FBXO25: variants seen among roughly 807,000 people sequenced by gnomAD.
FBXO25 encodes the protein F-box protein 25, also known as F-box only protein 25.
Under a neutral mutation model 51.9 loss-of-function variants are expected in FBXO25, and 45 were observed. That is an observed-to-expected ratio of 0.87 (90% CI 0.68 to 1.11). The LOEUF (loss-of-function observed/expected upper bound fraction) is 1.11. Among genes scored for constraint, FBXO25 ranks in the 50% most tolerant of loss-of-function variants. FBXO25 has a pLI of 0.00. For synonymous variants in FBXO25, 199 were observed against 151.0 expected (o/e 1.32, Z -2.33); for missense variants, 507 against 428.5 (o/e 1.18, Z -1.62).
At chr8:468,676 G>A (rs773954860) in intron 9 of FBXO25, 39 bp from the exon 10 acceptor site, 4 of 1,565,242 alleles carry the variant, frequency 2.6e-6, no homozygotes, top group South Asian at 1.1e-5. Context: ...TGTGGCTGGT[G>A]GTGGGGCCCC....
At chr8:456,128 A>G (rs1337113959) in intron 7 of FBXO25, among the ~76,000 whole-genome samples, 1 of 152,252 alleles carries the variant, frequency 6.6e-6, no homozygotes, top group East Asian at 1.9e-4. Flanking sequence ...AATTAGAATG[A>G]AGCACCTGGA....
chr8:474,902 A>C lies in FBXO25; in HGVS notation c.*6098A>C. ...AAGAAATCACTGCCTCACCCTTTTC[A>C]GATATATCATTTTAAAATACTTTGT... is the stretch of plus-strand genomic sequence containing the variant. On this transcript the variant is annotated 3_prime_UTR_variant, in exon 10 of 10. Coordinates refer to ENST00000350302, the MANE Select transcript of FBXO25 (RefSeq NM_183420.2). 1 of 435,122 alleles carries C rather than the reference A, an allele frequency of 2.3e-6. No homozygotes were observed. The highest frequency in any genetic ancestry group is 4.5e-6 in the Non-Finnish European group (1 of 220,596). The allele number at this position is 435,122 out of a possible 1,614,324, so 27.0% of individuals were successfully genotyped here.
At chr8:426,829 T>TCGCCCTACCTGGCCTTGGTGCTCTTGC (rs1797516705) in intron 2 of FBXO25, among the ~76,000 whole-genome samples, 5 of 148,594 alleles carry the variant, frequency 3.4e-5, no homozygotes, top group East Asian at 2.0e-4. Context: ...GGTGCTCTTG[T>TCGCCCTACCTGGCCTTGGTGCTCTTGC]CGCCCTCTGC....
rs1157806059 is a variant in FBXO25 at position 468,849 on chromosome 8, C to T, written c.*45C>T. 1 of 1,556,490 alleles carries T rather than the reference C, an allele frequency of 6.4e-7. No individual in the cohort carries two copies. Among genetic ancestry groups the T allele is most frequent in the East Asian group, 2.3e-5 (1 of 44,294 alleles). On this transcript the variant is annotated 3_prime_UTR_variant, in exon 10 of 10. Coordinates refer to ENST00000350302, the MANE Select transcript of FBXO25 (RefSeq NM_183420.2). ...TATTGGAGATTGTGAATCCTGCTGT[C>T]TGTGCAGGGCTCATAGTGAGTGTTC...
intron 7 of FBXO25, among the ~76,000 whole-genome samples, chr8:458,109 C>T (rs1324736156): frequency 3.9e-5 from 6 of 152,202 alleles, no homozygotes; most frequent in East Asian, 3.9e-4. Flanking sequence ...GCACACCTGT[C>T]GCATGGGGAG....
rs538790500 is a variant in FBXO25 at position 430,736 on chromosome 8, G to A, written c.135-605G>A. Among the ~76,000 whole-genome samples the A allele has an allele frequency of 3.3e-5, 5 of 152,260 alleles. No homozygotes were observed. In the South Asian group the frequency reaches 1.0e-3, roughly 32 times the overall value. ...AAGTAAAAGGTGTTCCCATTGTTTAGTTATTGCCTTATGATTTGATTTTCT... is the reference window on the plus strand; with the variant it reads ...AAGTAAAAGGTGTTCCCATTGTTTAATTATTGCCTTATGATTTGATTTTCT... On this transcript the variant is annotated intron_variant, in intron 2 of 9. Coordinates refer to ENST00000350302, the MANE Select transcript of FBXO25 (RefSeq NM_183420.2).
intron 2 of FBXO25, among the ~76,000 whole-genome samples, chr8:425,198 C>A (rs997552516): frequency 1.2e-4 from 18 of 151,662 alleles, no homozygotes; most frequent in Admixed American, 1.1e-3. Flanking sequence ...ACTTCCCAAA[C>A]TCTTATGGTA....
At chr8:465,190 C>T (rs1488449094) in intron 9 of FBXO25, among the ~76,000 whole-genome samples, 6 of 147,998 alleles carry the variant, frequency 4.1e-5, no homozygotes, top group Non-Finnish European at 7.6e-5. Context: ...CTGGAGGGAA[C>T]AGGGCCCCCC....
In FBXO25 at chr8:475,044, C is replaced by T. The variant is rs1016362984; in HGVS notation, c.*6240C>T. 2.5e-6 allele frequency: 1 copy of T among 406,312 alleles called. No individual in the cohort carries two copies. The highest frequency in any genetic ancestry group is 2.1e-5 in the African/African-American group (1 of 47,800). The allele number at this position is 406,312 out of a possible 1,614,324, so 25.2% of individuals were successfully genotyped here. On this transcript the variant is annotated 3_prime_UTR_variant, in exon 10 of 10. Coordinates refer to ENST00000350302, the MANE Select transcript of FBXO25 (RefSeq NM_183420.2). ...CATATCTAAGAAATCACTGCCAAAT[C>T]CAATGTTGTTAAAAGTTTCCCTTAT...
rs937227699 is a variant in FBXO25, at chr8:472,880, A to G, written c.*4076A>G. 3.3e-5 allele frequency: 5 copies of G among 152,234 alleles called. No homozygotes were observed. Among genetic ancestry groups the G allele is most frequent in the Admixed American group, 3.3e-4 (5 of 15,284 alleles). The allele number at this position is 152,234 out of a possible 1,614,324, so 9.4% of individuals were successfully genotyped here. ...AGTCAGAAGCAAGCCTGCCTTATGA[A>G]ACTCGACTTTTTAATCTCCCTCTCT... On this transcript the variant is annotated 3_prime_UTR_variant, in exon 10 of 10. Coordinates refer to ENST00000350302, the MANE Select transcript of FBXO25 (RefSeq NM_183420.2).
chr8:472,764 C>A lies in FBXO25; in HGVS notation c.*3960C>A, dbSNP rs543899532. On this transcript the variant is annotated 3_prime_UTR_variant, in exon 10 of 10. Transcript: ENST00000350302. ...ATGGTTTTTCTTTTCATTGCGAAGG[C>A]CTAACTTAGTAGATAAGTGGACTGT... 5.9e-4 allele frequency: 90 copies of A among 152,294 alleles called. No individual in the cohort carries two copies. Among genetic ancestry groups the A allele is most frequent in the African/African-American group, 2.1e-3 (88 of 41,558 alleles). 9.4% of individuals were successfully genotyped at this position (152,294 alleles called of 1,614,324 possible).
intron 1 of FBXO25, among the ~76,000 whole-genome samples, chr8:408,366 C>A (rs1477079589): frequency 6.6e-6 from 1 of 151,912 alleles, no homozygotes; most frequent in Non-Finnish European, 1.5e-5. Context: ...TTAATGGCAT[C>A]TGTTTTAATA....
chr8:418,271 A>G (rs1290016903), intron 2 of FBXO25, among the ~76,000 whole-genome samples: 17 of 150,618 alleles, frequency 1.1e-4, no homozygotes, highest in African/African-American at 2.9e-4. Flanking sequence ...GGCAAAAAAC[A>G]TTAGACATTT....
In FBXO25 at chr8:463,018, T is replaced by A; in HGVS notation, c.855T>A (p.His285Gln). The change falls in exon 9 of 10, where the codon CAT becomes CAA. Residue 285 changes from histidine (H) to glutamine (Q), a missense_variant. His to Gln is a conservative substitution (Grantham distance 24). Transcript: ENST00000350302. Reference sequence around the variant, plus strand: ...TTTTGTTTGTTTAGTTTTGTAGACATTTGATCCTTTCAGAAAAAGGTCATA... The same window carrying A: ...TTTTGTTTGTTTAGTTTTGTAGACAATTGATCCTTTCAGAAAAAGGTCATA... The part of the protein sequence containing the change: ...YHFAEKQFCR[H>Q]LILSEKGHIE... 2 of 1,611,264 alleles carry A rather than the reference T, an allele frequency of 1.2e-6. No homozygotes were observed. Among genetic ancestry groups the A allele is most frequent in the Non-Finnish European group, 1.7e-6 (2 of 1,179,452 alleles).
rs936687608 is a variant in FBXO25, at chr8:471,974, C to T, written c.*3170C>T. The T allele has an allele frequency of 6.6e-5, 10 of 152,292 alleles. No individual in the cohort carries two copies. Among genetic ancestry groups the T allele is most frequent in the African/African-American group, 1.2e-4 (5 of 41,580 alleles). The allele number at this position is 152,292 out of a possible 1,614,324, so 9.4% of individuals were successfully genotyped here. ...TAAGATTTATCAGCTCTTTTAACACCTTTGTAGATTCCTGATGCTGTGTAC... is the reference window on the plus strand; with the variant it reads ...TAAGATTTATCAGCTCTTTTAACACTTTTGTAGATTCCTGATGCTGTGTAC... On this transcript the variant is annotated 3_prime_UTR_variant, in exon 10 of 10. Coordinates refer to ENST00000350302, the MANE Select transcript of FBXO25 (RefSeq NM_183420.2).
At chr8:460,454 GAAAA>G (rs1024549521) in intron 8 of FBXO25, among the ~76,000 whole-genome samples, 1 of 149,780 alleles carries the variant, frequency 6.7e-6, no homozygotes, top group African/African-American at 2.5e-5. Context: ...TTAAGGCCCT[GAAAA>G]AAAAAGCATA....
chr8:454,149 T>A (rs553271048), intron 7 of FBXO25, among the ~76,000 whole-genome samples: 2 of 152,308 alleles, frequency 1.3e-5, no homozygotes, highest in East Asian at 3.9e-4. Flanking sequence ...TCGACACCCC[T>A]TAAATCTAAA....
At position 473,357 on chromosome 8, in the gene FBXO25, C is replaced by T. The variant is rs908256545; in HGVS notation, c.*4553C>T. ...TGTGTTCTAGGTGGTAACGTGGCAC[C>T]TGCACATGCACCCCCAGCAGTCCTC... On this transcript the variant is annotated 3_prime_UTR_variant, in exon 10 of 10. Coordinates refer to ENST00000350302, the MANE Select transcript of FBXO25 (RefSeq NM_183420.2). 6 of 152,264 alleles carry T rather than the reference C, an allele frequency of 3.9e-5. No individual in the cohort carries two copies. The highest frequency in any genetic ancestry group is 3.3e-4 in the Admixed American group (5 of 15,286). 9.4% of individuals were successfully genotyped at this position (152,264 alleles called of 1,614,324 possible). A position where few individuals can be genotyped will look rare whatever the true frequency, so the allele number is the denominator to read the frequency against.
chr8:429,955 A>G (rs1797718721), intron 2 of FBXO25, among the ~76,000 whole-genome samples: 5 of 152,292 alleles, frequency 3.3e-5, no homozygotes, highest in East Asian at 1.9e-4. Context: ...CCCACCACCT[A>G]TGGGCAGAGT....
Sources: allele counts gnomAD v4.1 joint callset (sites outside exome capture counted in the v4.1 genomes callset), GRCh38; gene constraint gnomAD v4.1.1; transcripts MANE v1.5; gene names NCBI Gene and HGNC (gene_info 2026-07-23, HGNC 2026-07-21).